Variants in BLNK observed in about 807,000 individuals in gnomAD.
The protein encoded by BLNK is B cell linker.
A neutral mutation model predicts 73.5 loss-of-function variants in BLNK; 29 were observed. The observed-to-expected ratio is 0.39, with a 90% CI of 0.29 to 0.54. BLNK has a LOEUF of 0.54. Ranked by LOEUF, BLNK falls within the 20% of genes least tolerant of loss-of-function variation. BLNK has a pLI of 0.61. For synonymous variants in BLNK, 176 were observed against 200.8 expected, an observed-to-expected ratio of 0.88 and a Z score of 1.04; for missense variants, 460 against 562.8, an observed-to-expected ratio of 0.82 and a Z score of 1.85.
chr10:96,193,502 A>G (rs1564808685), intron 16 of BLNK, among the ~76,000 whole-genome samples: 1 of 152,202 alleles, frequency 6.6e-6, no homozygotes, highest in Non-Finnish European at 1.5e-5. Context: ...AAGTGTGTGC[A>G]GTAGGGAGTT....
At position 96,209,093 on chromosome 10, in the gene BLNK, C is replaced by G. The variant is rs587715741; in HGVS notation, c.746+745G>C. On this transcript the variant is annotated intron_variant, in intron 9 of 16. Coordinates refer to ENST00000224337, the MANE Select transcript of BLNK (RefSeq NM_013314.4). Reference sequence around the variant, plus strand: ...ATCGTCACCTGACTGTTTACAAAGCCCTTCTAAATTCAATAAGAAAGAATG... The same window carrying G: ...ATCGTCACCTGACTGTTTACAAAGCGCTTCTAAATTCAATAAGAAAGAATG... Among the ~76,000 whole-genome samples, 5 of 152,250 alleles carry G rather than the reference C, an allele frequency of 3.3e-5. No individual in the cohort carries two copies. The South Asian group carries it at 1.0e-3, about 32-fold the overall frequency.
intron 6 of BLNK, among the ~76,000 whole-genome samples, chr10:96,219,874 T>A (rs1349836882): frequency 6.6e-6 from 1 of 152,226 alleles, no homozygotes; most frequent in Non-Finnish European, 1.5e-5. Context: ...GAAGCTTGCA[T>A]GGGTGAATGC....
intron 3 of BLNK, among the ~76,000 whole-genome samples, chr10:96,237,614 C>T (rs146075165): frequency 6.6e-6 from 1 of 152,298 alleles, no homozygotes; most frequent in African/African-American, 2.4e-5. Context: ...CTCTCCCTGA[C>T]CTCCATCCCC....
chr10:96,230,326 A>G (rs140468747), intron 4 of BLNK, among the ~76,000 whole-genome samples: 11 of 152,162 alleles, frequency 7.2e-5, no homozygotes, highest in African/African-American at 2.4e-4. Context: ...GTGGAACTGC[A>G]AGTGACTGAA....
rs1471844224 is a variant in BLNK, at chr10:96,216,696, G to A, written c.564C>T (p.Asn188=). Residue 188 remains asparagine, a synonymous_variant, in exon 7 of 17, where the codon AAC becomes AAT. Transcript: ENST00000224337. ...YVVPVEDNDE[N]YIHPTESSSP... ...AACTGCTTTCTGTGGGATGAATATAGTTTTCATCATTATCTTCCACGGGGA... is the reference window on the plus strand; with the variant it reads ...AACTGCTTTCTGTGGGATGAATATAATTTTCATCATTATCTTCCACGGGGA... 4.3e-6 allele frequency: 7 copies of A among 1,613,960 alleles called. 1 individual carries two copies. The highest frequency in any genetic ancestry group is 5.9e-6 in the Non-Finnish European group (7 of 1,179,982).
intron 15 of BLNK, chr10:96,199,340 A>T (rs2083563707): frequency 3.9e-6 from 1 of 258,914 alleles, no homozygotes; most frequent in Non-Finnish European, 8.2e-6. Flanking sequence ...CTCTCCAAAC[A>T]TTTACTTCCA....
At chr10:96,231,063 G>A (rs922565848) in intron 3 of BLNK, among the ~76,000 whole-genome samples, 14 of 152,206 alleles carry the variant, frequency 9.2e-5, no homozygotes, top group Admixed American at 2.6e-4. Context: ...AGCAATGTGC[G>A]TCTGATCCAT....
Position 96,189,846 on chromosome 10 carries a change from C to T in BLNK, c.*2127G>A, listed in dbSNP as rs2083301359. On this transcript the variant is annotated 3_prime_UTR_variant, in exon 17 of 17. Transcript: ENST00000224337. The stretch of plus-strand genomic sequence containing the variant: ...TTCACATCCTCCTCCTCTTCATCTT[C>T]TGACTCTGCATCTTCCTCCACAGCT... The T allele has an allele frequency of 2.5e-6, 3 of 1,215,302 alleles. No homozygotes were observed. The highest frequency in any genetic ancestry group is 3.6e-6 in the Non-Finnish European group (3 of 830,794). The allele number at this position is 1,215,302 out of a possible 1,614,324, so 75.3% of individuals were successfully genotyped here.
chr10:96,194,147 C>T (rs999242081), intron 16 of BLNK, among the ~76,000 whole-genome samples: 3 of 152,130 alleles, frequency 2.0e-5, no homozygotes, highest in African/African-American at 4.8e-5. Flanking sequence ...AATCCAGAGC[C>T]CCTCAGGGAG....
intron 1 of BLNK, among the ~76,000 whole-genome samples, chr10:96,265,482 G>A (rs576218318): frequency 2.6e-5 from 4 of 152,138 alleles, no homozygotes; most frequent in Non-Finnish European, 5.9e-5. Flanking sequence ...TTTCTACCCA[G>A]GAGAGAGCAA....
chr10:96,223,750 A>T, intron 6 of BLNK, 76 bp downstream of exon 6: 8 of 1,523,076 alleles, frequency 5.3e-6, no homozygotes, highest in Non-Finnish European at 5.5e-6. Context: ...GAGGACAGCC[A>T]GCGGGCAGGC....
At chr10:96,230,345 G>C (rs1870172) in intron 4 of BLNK, among the ~76,000 whole-genome samples, 2 of 152,084 alleles carry the variant, frequency 1.3e-5, no homozygotes, top group Non-Finnish European at 1.5e-5. Flanking sequence ...AAACTTTCTA[G>C]ACCTTGGTCC....
rs1203375686 is a variant in BLNK, at chr10:96,189,250, A to G, written c.*2723T>C. 7.7e-6 allele frequency: 3 copies of G among 391,440 alleles called. No homozygotes were observed. The highest frequency in any genetic ancestry group is 1.4e-5 in the Non-Finnish European group (3 of 208,262). 24.2% of individuals were successfully genotyped at this position (391,440 alleles called of 1,614,324 possible). On this transcript the variant is annotated 3_prime_UTR_variant, in exon 17 of 17. Coordinates refer to ENST00000224337, the MANE Select transcript of BLNK (RefSeq NM_013314.4). The stretch of plus-strand genomic sequence containing the variant: ...ATGGAACCTGGACAACATTTATTAA[A>G]CACAGTAGGGAAAGTTCTCACTCTG...
rs1330864997 is a variant in BLNK, at chr10:96,247,059, A to G, written c.48-10T>C. On this transcript the variant is annotated splice_polypyrimidine_tract_variant and intron_variant, in intron 1 of 16. Coordinates refer to ENST00000224337, the MANE Select transcript of BLNK (RefSeq NM_013314.4). The stretch of plus-strand genomic sequence containing the variant: ...CATCTTTTGAAGCTGCCTGTAAAAA[A>G]CAAAATTAAACATAAGATATTAATA... 1.3e-6 allele frequency: 2 copies of G among 1,572,862 alleles called. No individual in the cohort carries two copies. Among genetic ancestry groups the G allele is most frequent in the African/African-American group, 2.7e-5 (2 of 73,340 alleles).
intron 13 of BLNK, among the ~76,000 whole-genome samples, chr10:96,202,302 G>C (rs975249708): frequency 1.3e-5 from 2 of 152,196 alleles, no homozygotes; most frequent in African/African-American, 4.8e-5. Context: ...GCTGGAAACA[G>C]AGGGTGGCAA....
chr10:96,207,943 A>G, intron 9 of BLNK, 44 bp from the exon 10 acceptor site: 1 of 1,593,026 alleles, frequency 6.3e-7, no homozygotes, highest in East Asian at 2.2e-5. Flanking sequence ...CACAACGAAG[A>G]CAAAATGGAG....
intron 2 of BLNK, among the ~76,000 whole-genome samples, chr10:96,245,916 A>C (rs1016651424): frequency 1.3e-5 from 2 of 152,186 alleles, no homozygotes; most frequent in Non-Finnish European, 2.9e-5. Flanking sequence ...TGGAGATATA[A>C]GGAAATGGGA....
intron 7 of BLNK, chr10:96,216,140 G>T (rs1282794675): frequency 1.1e-5 from 2 of 179,768 alleles, no homozygotes; most frequent in Non-Finnish European, 2.4e-5. Context: ...TGTAGCACTG[G>T]CTTTTTAAGG....
At chr10:96,205,628 G>T (rs1554897265) in intron 11 of BLNK, among the ~76,000 whole-genome samples, 1 of 152,210 alleles carries the variant, frequency 6.6e-6, no homozygotes, top group African/African-American at 2.4e-5. Context: ...GGTCTTGCCA[G>T]CCTATAAGCT....
Sources: allele counts gnomAD v4.1 joint callset (sites outside exome capture counted in the v4.1 genomes callset), GRCh38; gene constraint gnomAD v4.1.1; transcripts MANE v1.5; gene names NCBI Gene and HGNC (gene_info 2026-07-23, HGNC 2026-07-21).